The following PDGFC variants were observed in gnomAD, a reference collection of about 807,000 sequenced individuals.
PDGFC encodes platelet derived growth factor C.
In PDGFC, 12 loss-of-function variants were observed where a neutral mutation model predicts 35.5. That is an observed-to-expected ratio of 0.34 (90% confidence interval 0.22 to 0.55). The LOEUF (loss-of-function observed/expected upper bound fraction) is 0.55. Among genes scored for constraint, PDGFC ranks in the 20% least tolerant of loss-of-function variants. The probability of loss-of-function intolerance (pLI) is 0.91; values close to 1 mark genes in which losing one functional copy is unlikely to be tolerated. For synonymous variants in PDGFC, 159 were observed against 148.8 expected (o/e 1.07, Z -0.50); for missense variants, 322 against 412.4 (o/e 0.78, Z 1.90).
At chr4:156,822,828 C>T (rs1732307850) in intron 2 of PDGFC, among the ~76,000 whole-genome samples, 1 of 151,982 alleles carries the variant, frequency 6.6e-6, no homozygotes, top group Admixed American at 6.6e-5. Context: ...ATGGTGCGAT[C>T]TCGGCTCACT....
At chr4:156,955,212 C>A (rs1009785036) in intron 1 of PDGFC, among the ~76,000 whole-genome samples, 1 of 151,994 alleles carries the variant, frequency 6.6e-6, no homozygotes, top group African/African-American at 2.4e-5. Context: ...ACACCCCAGG[C>A]ACTAACTCAC....
intron 1 of PDGFC, chr4:156,861,381 A>G (rs1729706281): frequency 1.5e-6 from 1 of 674,132 alleles, no homozygotes; most frequent in Non-Finnish European, 2.3e-6. Flanking sequence ...GTTTCTGATA[A>G]GAAAAGCTTA....
At chr4:156,780,117 T>G (rs1019989426) in intron 3 of PDGFC, among the ~76,000 whole-genome samples, 54 of 151,686 alleles carry the variant, frequency 3.6e-4, no homozygotes, top group African/African-American at 9.9e-4. Context: ...GTTTTTTTTT[T>G]TTTTTTTTTT....
At chr4:156,915,944 G>A (rs1434130310) in intron 1 of PDGFC, among the ~76,000 whole-genome samples, 2 of 152,016 alleles carry the variant, frequency 1.3e-5, no homozygotes, top group African/African-American at 2.4e-5. Flanking sequence ...GGATTAGCAG[G>A]ATATGTAGAA....
In PDGFC at chr4:156,807,049, A is replaced by G. The variant is rs558977730; in HGVS notation, c.495+3788T>C. Among the ~76,000 whole-genome samples the G allele has an allele frequency of 1.9e-4, 29 of 152,074 alleles. 1 individual carries two copies. Among genetic ancestry groups the G allele is most frequent in the South Asian group, 1.0e-3 (5 of 4,832 alleles). On this transcript the variant is annotated intron_variant, in intron 3 of 5. Transcript: ENST00000502773. ...TTTTTCTCTTTTAGCAGAAAGGGAAAAAAATCAAAGACATTAACTCCTTAG... is the reference window on the plus strand; with the variant it reads ...TTTTTCTCTTTTAGCAGAAAGGGAAGAAAATCAAAGACATTAACTCCTTAG...
intron 1 of PDGFC, among the ~76,000 whole-genome samples, chr4:156,924,228 A>T (rs1212636227): frequency 6.6e-6 from 1 of 152,200 alleles, no homozygotes; most frequent in African/African-American, 2.4e-5. Context: ...ATTCGTGGGC[A>T]GCCGAATAGT....
At chr4:156,922,155 AGTGTGTGT>A (rs3070262) in intron 1 of PDGFC, among the ~76,000 whole-genome samples, 3,540 of 145,354 alleles carry the variant, frequency 0.024, 118 homozygotes, top group African/African-American at 0.076. Context: ...AAGGATTCAT[AGTGTGTGT>A]GTGTGTGTGT....
chr4:156,850,341 T>C lies in PDGFC; in HGVS notation c.194A>G (p.His65Arg), dbSNP rs773583675. Residue 65 changes from histidine (H) to arginine (R), a missense_variant, in exon 2 of 6, where the codon CAT (histidine) becomes CGT (arginine). His to Arg is a conservative substitution (Grantham distance 29). Around this residue, in one of 2 missense-constraint regions of PDGFC, gnomAD observed 120 missense variants for 116.6 expected, o/e 1.03. Transcript: ENST00000502773. ...CAAGACCGTATTTCTTGGATAAGTATGAGGAAACCTTGGGCTGTGAATACT... is the reference window on the plus strand; with the variant it reads ...CAAGACCGTATTTCTTGGATAAGTACGAGGAAACCTTGGGCTGTGAATACT... ...NGSIHSPRFP[H>R]TYPRNTVLVW... The C allele has an allele frequency of 1.2e-6, 2 of 1,609,412 alleles. No homozygotes were observed. The highest frequency in any genetic ancestry group is 1.7e-6 in the Non-Finnish European group (2 of 1,176,646).
chr4:156,856,046 T>A (rs1729572391), intron 1 of PDGFC, among the ~76,000 whole-genome samples: 2 of 152,136 alleles, frequency 1.3e-5, no homozygotes, highest in South Asian at 4.1e-4. Context: ...ATTCTATTAA[T>A]ATAAAAGTAT....
At chr4:156,817,694 A>G (rs1732128008) in intron 2 of PDGFC, among the ~76,000 whole-genome samples, 1 of 151,082 alleles carries the variant, frequency 6.6e-6, no homozygotes, top group South Asian at 2.1e-4. Flanking sequence ...CTAAAAGAAC[A>G]TATCATTCCA....
intron 2 of PDGFC, among the ~76,000 whole-genome samples, chr4:156,844,868 T>C (rs1729288043): frequency 6.6e-6 from 1 of 151,916 alleles, no homozygotes; most frequent in African/African-American, 2.4e-5. Context: ...TGCAACTGTC[T>C]CAGAAATTGA....
At chr4:156,925,200 T>C (rs1731378367) in intron 1 of PDGFC, among the ~76,000 whole-genome samples, 1 of 152,128 alleles carries the variant, frequency 6.6e-6, no homozygotes, top group Non-Finnish European at 1.5e-5. Context: ...AACTAGTATA[T>C]AATCTTGTCA....
chr4:156,964,923 C>G (rs1425595268), intron 1 of PDGFC, among the ~76,000 whole-genome samples: 1 of 152,110 alleles, frequency 6.6e-6, no homozygotes, highest in Non-Finnish European at 1.5e-5. Flanking sequence ...ATTTTGGAGG[C>G]TTGTCATCTA....
intron 3 of PDGFC, among the ~76,000 whole-genome samples, chr4:156,807,618 T>C (rs1731803430): frequency 1.3e-5 from 2 of 151,964 alleles, no homozygotes; most frequent in Admixed American, 1.3e-4. Context: ...TGGCAAAAAC[T>C]GTTTCTGAAA....
chr4:156,875,460 G>C (rs1219109404), intron 1 of PDGFC, among the ~76,000 whole-genome samples: 1 of 152,126 alleles, frequency 6.6e-6, no homozygotes, highest in East Asian at 1.9e-4. Flanking sequence ...TTAGAAGAAA[G>C]TCCACACATC....
intron 1 of PDGFC, among the ~76,000 whole-genome samples, chr4:156,862,771 T>C (rs1729745286): frequency 6.6e-6 from 1 of 151,864 alleles, no homozygotes; most frequent in Non-Finnish European, 1.5e-5. Flanking sequence ...CTCTGCTCAC[T>C]GCAACCTCTG....
chr4:156,802,336 TGGATTGGTG>T (rs1731634762), intron 3 of PDGFC, among the ~76,000 whole-genome samples: 1 of 152,092 alleles, frequency 6.6e-6, no homozygotes, highest in Admixed American at 6.6e-5. Context: ...GTGTCGTCAT[TGGATTGGTG>T]GGCTTTGCAA....
chr4:156,801,088 T>C (rs538205328), intron 3 of PDGFC, among the ~76,000 whole-genome samples: 3 of 152,246 alleles, frequency 2.0e-5, no homozygotes, highest in South Asian at 4.2e-4. Context: ...GAACTTAAGA[T>C]TGGTCTTTTG....
At chr4:156,868,106 C>T (rs754192927) in intron 1 of PDGFC, among the ~76,000 whole-genome samples, 6 of 152,106 alleles carry the variant, frequency 3.9e-5, no homozygotes, top group Non-Finnish European at 7.3e-5. Flanking sequence ...TGAGCCACCG[C>T]ACCCAGCCAA....
Sources: gnomAD v4.1 joint callset for allele counts (sites outside exome capture counted in the v4.1 genomes callset) on GRCh38, gnomAD v4.1.1 for gene constraint, gnomAD v4.1.1 regional missense constraint, MANE v1.5 for transcripts, NCBI Gene and HGNC (gene_info 2026-07-23, HGNC 2026-07-21) for gene names.